GCSH: variants seen among roughly 807,000 people sequenced by gnomAD.
GCSH encodes the protein glycine cleavage system protein H.
Under a neutral mutation model 21.3 loss-of-function variants are expected in GCSH, and 15 were observed. That is an observed-to-expected ratio of 0.70 (90% confidence interval 0.47 to 1.08). GCSH has a LOEUF of 1.08. GCSH is among the 50% of genes least tolerant of loss of function. The pLI is 0.00. For missense variants in GCSH, 179 were observed against 217.5 expected, an observed-to-expected ratio of 0.82 and a Z score of 1.11; for synonymous variants, 59 against 84.5, an observed-to-expected ratio of 0.70 and a Z score of 1.66.
Position 81,090,695 on chromosome 16 carries a change from C to A in GCSH, c.149-15G>T, listed in dbSNP as rs1251542283. 1 of 1,575,028 alleles carries A rather than the reference C, an allele frequency of 6.3e-7. No individual in the cohort carries two copies. Among genetic ancestry groups the A allele is most frequent in the South Asian group, 1.1e-5 (1 of 90,370 alleles). On this transcript the variant is annotated splice_polypyrimidine_tract_variant and intron_variant, in intron 1 of 4. Coordinates refer to ENST00000315467, the MANE Select transcript of GCSH (RefSeq NM_004483.5). ...GAATTTACGCACTAAAACAGAAGAC[C>A]AACATTTCAGAAAAGCAGTAGCATT...
Position 81,082,526 on chromosome 16 carries a change from A to C in GCSH, c.*340T>G, listed in dbSNP as rs1025093310. On this transcript the variant is annotated 3_prime_UTR_variant, in exon 5 of 5. Transcript: ENST00000315467. ...TCATCCCAAATCCAGGTATGGATAC[A>C]TGCAAGTTACAATATTATATAAGGC... The C allele has an allele frequency of 2.8e-6, 1 of 356,266 alleles. No homozygotes were observed. The highest frequency in any genetic ancestry group is 5.3e-6 in the Non-Finnish European group (1 of 187,226). 22.1% of individuals were successfully genotyped at this position (356,266 alleles called of 1,614,324 possible).
At chr16:81,094,825 G>A (rs1362907336) in intron 1 of GCSH, among the ~76,000 whole-genome samples, 1 of 152,158 alleles carries the variant, frequency 6.6e-6, no homozygotes, top group Non-Finnish European at 1.5e-5. Context: ...GGCCTGGCGC[G>A]GTGACGCACG....
At chr16:81,087,134 C>T (rs1042961406) in intron 3 of GCSH, among the ~76,000 whole-genome samples, 21 of 151,872 alleles carry the variant, frequency 1.4e-4, no homozygotes, top group Admixed American at 4.6e-4. Context: ...GATGGGATCT[C>T]GGCTCACTGC....
intron 2 of GCSH, among the ~76,000 whole-genome samples, chr16:81,089,214 C>G (rs1448924418): frequency 6.6e-6 from 1 of 152,170 alleles, no homozygotes; most frequent in Non-Finnish European, 1.5e-5. Context: ...GTCCAAAATG[C>G]TTGGGAGCAG....
chr16:81,090,765 T>C (rs1429056757), intron 1 of GCSH, 85 bp from the exon 2 acceptor site: 2 of 930,926 alleles, frequency 2.1e-6, no homozygotes, highest in African/African-American at 3.2e-5. Context: ...TCAAAAGACT[T>C]TCCCAGAATT....
chr16:81,090,981 C>A, intron 1 of GCSH: 1 of 483,960 alleles, frequency 2.1e-6, no homozygotes, highest in Non-Finnish European at 3.8e-6. Flanking sequence ...GAGCATATTT[C>A]AAATGTATAC....
chr16:81,082,730 G>A lies in GCSH; in HGVS notation c.*136C>T, dbSNP rs1972193251. On this transcript the variant is annotated 3_prime_UTR_variant, in exon 5 of 5. Transcript: ENST00000315467. ...AGTTAAAGGGCATTTTCTTTCATTA[G>A]CAGTGTTAACAGTAGTTTTTTTTTC... 1 of 604,424 alleles carries A rather than the reference G, an allele frequency of 1.7e-6. No individual in the cohort carries two copies. Among genetic ancestry groups the A allele is most frequent in the African/African-American group, 2.1e-5 (1 of 46,706 alleles). 37.4% of individuals were successfully genotyped at this position (604,424 alleles called of 1,614,324 possible). A position where few individuals can be genotyped will look rare whatever the true frequency, so the allele number is the denominator to read the frequency against.
At position 81,095,377 on chromosome 16, in the gene GCSH, A is replaced by ATTTTTT. The variant is rs78295348; in HGVS notation, c.148+748_148+753dup. On this transcript the variant is annotated intron_variant, in intron 1 of 4. Transcript: ENST00000315467. ...AAAAAAATCTAGATCTGGCGCTTTAATTTTTTTTTTTTTTTTTTTTTTTGA... is the reference window on the plus strand; with the variant it reads ...AAAAAAATCTAGATCTGGCGCTTTAATTTTTTTTTTTTTTTTTTTTTTTTTTTTTGA... Among the ~76,000 whole-genome samples the ATTTTTT allele has an allele frequency of 3.4e-3, 489 of 145,916 alleles. 8 individuals carry two copies. The highest frequency in any genetic ancestry group is 0.011 in the African/African-American group (403 of 37,930).
At chr16:81,089,953 C>G (rs915532388) in intron 2 of GCSH, among the ~76,000 whole-genome samples, 1 of 152,204 alleles carries the variant, frequency 6.6e-6, no homozygotes, top group Non-Finnish European at 1.5e-5. Context: ...CAGTACAAAA[C>G]ACACACATTT....
At position 81,082,023 on chromosome 16, in the gene GCSH, T is replaced by G; in HGVS notation, c.*843A>C. On this transcript the variant is annotated 3_prime_UTR_variant, in exon 5 of 5. Coordinates refer to ENST00000315467, the MANE Select transcript of GCSH (RefSeq NM_004483.5). ...GGAAACCTGAACGTGGTTTAACAAC[T>G]TAAAAACACCATGTGCTATACTGAT... 2 of 453,932 alleles carry G rather than the reference T, an allele frequency of 4.4e-6. No homozygotes were observed. Among genetic ancestry groups the G allele is most frequent in the Non-Finnish European group, 8.8e-6 (2 of 226,756 alleles). 28.1% of individuals were successfully genotyped at this position (453,932 alleles called of 1,614,324 possible).
At position 81,088,692 on chromosome 16, in the gene GCSH, C is replaced by T. The variant is rs118188620; in HGVS notation, c.229-1028G>A. ...CTAGGATTACAGGTGTGAGCCACTG[C>T]GCCCGGCAAACACTGCTAGCTCTTC... On this transcript the variant is annotated intron_variant, in intron 2 of 4. Coordinates refer to ENST00000315467, the MANE Select transcript of GCSH (RefSeq NM_004483.5). Among the ~76,000 whole-genome samples the T allele has an allele frequency of 5.3e-3, 807 of 152,276 alleles. 7 individuals are homozygous for T. The highest frequency in any genetic ancestry group is 0.02 in the Middle Eastern group (6 of 294).
At position 81,084,301 on chromosome 16, in the gene GCSH, A is replaced by C. The variant is rs56032321; in HGVS notation, c.424+162T>G. ...GCCAGAAATCTTAAACATAACTTTA[A>C]GTATTCAACTAACCTCTGTTTTTCT... On this transcript the variant is annotated intron_variant, in intron 4 of 4. Transcript: ENST00000315467. 0.098 allele frequency: 68,280 copies of C among 694,126 alleles called. 3,892 individuals carry two copies. Among genetic ancestry groups the C allele is most frequent in the East Asian group, 0.21 (7,713 of 37,066 alleles). 43.0% of individuals were successfully genotyped at this position (694,126 alleles called of 1,614,324 possible).
At chr16:81,095,203 T>G (rs560350569) in intron 1 of GCSH, among the ~76,000 whole-genome samples, 1 of 152,272 alleles carries the variant, frequency 6.6e-6, no homozygotes, top group South Asian at 2.1e-4. Context: ...TTATTTCAAG[T>G]CCGTTTGAGT....
In GCSH at chr16:81,082,515, G is replaced by A. The variant is rs1174713062; in HGVS notation, c.*351C>T. 2.8e-6 allele frequency: 1 copy of A among 360,256 alleles called. No homozygotes were observed. Among genetic ancestry groups the A allele is most frequent in the Non-Finnish European group, 5.3e-6 (1 of 188,754 alleles). 22.3% of individuals were successfully genotyped at this position (360,256 alleles called of 1,614,324 possible). ...CATTAAGTATTTCATCCCAAATCCA[G>A]GTATGGATACATGCAAGTTACAATA... On this transcript the variant is annotated 3_prime_UTR_variant, in exon 5 of 5. Transcript: ENST00000315467.
At chr16:81,091,223 C>T (rs918783794) in intron 1 of GCSH, 2 of 384,408 alleles carry the variant, frequency 5.2e-6, no homozygotes, top group South Asian at 1.9e-5. Context: ...AACTGACCTC[C>T]TGGAACAACT....
chr16:81,096,122 C>T lies in GCSH; in HGVS notation c.148+9G>A. On this transcript the variant is annotated intron_variant, in intron 1 of 4. Coordinates refer to ENST00000315467, the MANE Select transcript of GCSH (RefSeq NM_004483.5). The stretch of plus-strand genomic sequence containing the variant: ...AGGGAGCAGCCGCCCACGTGCCCGC[C>T]GCGCTTACCCGAGAGCAGAGCGGGT... 8.0e-7 allele frequency: 1 copy of T among 1,247,396 alleles called. No individual in the cohort carries two copies. The highest frequency in any genetic ancestry group is 1.0e-6 in the Non-Finnish European group (1 of 995,866). The allele number at this position is 1,247,396 out of a possible 1,614,324, so 77.3% of individuals were successfully genotyped here. A position where few individuals can be genotyped will look rare whatever the true frequency, so the allele number is the denominator to read the frequency against.
chr16:81,089,695 A>G (rs1972359431), intron 2 of GCSH, among the ~76,000 whole-genome samples: 1 of 152,170 alleles, frequency 6.6e-6, no homozygotes, highest in Non-Finnish European at 1.5e-5. Context: ...CTCACCCAAT[A>G]CATACATCCA....
In GCSH at chr16:81,084,543, G is replaced by T; in HGVS notation, c.344C>A (p.Pro115His). 1 of 1,600,488 alleles carries T rather than the reference G, an allele frequency of 6.2e-7. No homozygotes were observed. Among genetic ancestry groups the T allele is most frequent in the Non-Finnish European group, 8.6e-7 (1 of 1,167,826 alleles). ...SVKAASELYS[P>H]LSGEVTEINE... The stretch of plus-strand genomic sequence containing the variant: ...AATTTCAGTTACTTCTCCTGATAAA[G>T]GAGAATAGAGTTCACTAGCAGCTTT... Residue 115 changes from proline to histidine, a missense_variant, in exon 4 of 5, where the codon CCT becomes CAT. Physicochemically the swap from Pro to His is moderately conservative, Grantham distance 77. Coordinates refer to ENST00000315467, the MANE Select transcript of GCSH (RefSeq NM_004483.5).
chr16:81,087,628 C>T lies in GCSH; in HGVS notation c.265G>A (p.Glu89Lys), dbSNP rs1972309747. The change falls in exon 3 of 5, where the codon GAA (glutamate) becomes AAA (lysine). Residue 89 changes from glutamate (E) to lysine (K), a missense_variant. Physicochemically the swap from Glu to Lys is moderately conservative, Grantham distance 56. Coordinates refer to ENST00000315467, the MANE Select transcript of GCSH (RefSeq NM_004483.5). ...TGTTTGTTCAATTTTGTCCCAACTTCAGGGAGACTACAATAAACAACATCT... is the reference window on the plus strand; with the variant it reads ...TGTTTGTTCAATTTTGTCCCAACTTTAGGGAGACTACAATAAACAACATCT... ...LGDVVYCSLP[E>K]VGTKLNKQDE... The T allele has an allele frequency of 6.2e-7, 1 of 1,612,208 alleles. No individual in the cohort carries two copies. Among genetic ancestry groups the T allele is most frequent in the Non-Finnish European group, 8.5e-7 (1 of 1,178,452 alleles).
Sources: gnomAD v4.1 joint callset for allele counts (sites outside exome capture counted in the v4.1 genomes callset) on GRCh38, gnomAD v4.1.1 for gene constraint, MANE v1.5 for transcripts, NCBI Gene and HGNC (gene_info 2026-07-23, HGNC 2026-07-21) for gene names.